HMGCLL1: variants seen among roughly 807,000 people sequenced by gnomAD.
HMGCLL1 encodes 3-hydroxy-3-methylglutaryl-CoA lyase like 1.
HMGCLL1 carries 36 observed loss-of-function variants against 39.1 expected under a neutral mutation model. The observed-to-expected ratio is 0.92, with a 90% CI of 0.71 to 1.22. HMGCLL1 has a LOEUF of 1.22. Among genes scored for constraint, HMGCLL1 ranks in the 50% most tolerant of loss-of-function variants. HMGCLL1 has a pLI of 0.00. For synonymous variants in HMGCLL1, 149 were observed against 144.0 expected (o/e 1.03, Z -0.25); for missense variants, 451 against 416.5 (o/e 1.08, Z -0.72).
chr6:55,599,375 G>T, the HMGCLL1 span, among the ~76,000 whole-genome samples: 3 of 152,122 alleles, frequency 2.0e-5, no homozygotes, highest in Non-Finnish European at 4.4e-5. Context: ...GCATTTTCCA[G>T]CTATATCTGC....
At chr6:55,528,284 T>A (rs4314500) in intron 3 of HMGCLL1, among the ~76,000 whole-genome samples, 98,401 of 151,794 alleles carry the variant, frequency 0.65, 32,190 homozygotes, top group Admixed American at 0.71. Flanking sequence ...CTTCAACACA[T>A]GCCATCGATT....
At chr6:55,595,054 A>T in the HMGCLL1 span, among the ~76,000 whole-genome samples, 1 of 152,182 alleles carries the variant, frequency 6.6e-6, no homozygotes, top group Admixed American at 6.5e-5. Context: ...TCTTGGAAAA[A>T]TAGAAACATA....
chr6:55,523,684 C>T (rs1382273584), intron 3 of HMGCLL1, among the ~76,000 whole-genome samples: 1 of 151,830 alleles, frequency 6.6e-6, no homozygotes, highest in Non-Finnish European at 1.5e-5. Context: ...CACAATTTTA[C>T]CTCATATTAC....
At chr6:55,598,458 C>A in the HMGCLL1 span, among the ~76,000 whole-genome samples, 6 of 152,108 alleles carry the variant, frequency 3.9e-5, no homozygotes. Context: ...ACTCCAATGA[C>A]CATGTTTCTG....
chr6:55,487,926 G>T (rs1413001628), intron 7 of HMGCLL1, among the ~76,000 whole-genome samples: 1 of 151,908 alleles, frequency 6.6e-6, no homozygotes, highest in Admixed American at 6.6e-5. Context: ...GTTTGTCTCT[G>T]CTCCTACTGG....
the HMGCLL1 span, among the ~76,000 whole-genome samples, chr6:55,620,871 G>T: frequency 6.6e-6 from 1 of 152,062 alleles, no homozygotes; most frequent in Non-Finnish European, 1.5e-5. Context: ...ACCATTTATT[G>T]ATGAAGCTGT....
the HMGCLL1 span, among the ~76,000 whole-genome samples, chr6:55,659,805 A>G: frequency 2.0e-5 from 3 of 151,856 alleles, no homozygotes; most frequent in African/African-American, 7.2e-5. Flanking sequence ...TTACACTATA[A>G]TATCCTCTAA....
Position 55,568,877 on chromosome 6 carries a change from A to G in HMGCLL1, c.108+10071T>C, listed in dbSNP as rs147597663. Among the ~76,000 whole-genome samples, 317 of 152,188 alleles carry G rather than the reference A, an allele frequency of 2.1e-3. 4 individuals carry two copies. The highest frequency in any genetic ancestry group is 7.4e-3 in the African/African-American group (306 of 41,526). ...GAAACACACACACACACACACACAA[A>G]CAGCTAAACTTGGAAGGGGATAGAC... On this transcript the variant is annotated intron_variant, in intron 1 of 8. Coordinates refer to ENST00000274901, the MANE Select transcript of HMGCLL1 (RefSeq NM_001042406.2).
the HMGCLL1 span, among the ~76,000 whole-genome samples, chr6:55,629,798 G>T: frequency 6.6e-6 from 1 of 152,134 alleles, no homozygotes; most frequent in South Asian, 2.1e-4. Flanking sequence ...CTCAAGCCTT[G>T]GCTGCTTCCA....
At chr6:55,556,325 C>A (rs1294920384) in intron 1 of HMGCLL1, among the ~76,000 whole-genome samples, 4 of 151,986 alleles carry the variant, frequency 2.6e-5, no homozygotes, top group Admixed American at 2.6e-4. Flanking sequence ...GTGTTTTGAG[C>A]AAAGAATAAA....
intron 3 of HMGCLL1, among the ~76,000 whole-genome samples, chr6:55,540,674 AAAGTC>A (rs2127456098): frequency 6.6e-6 from 1 of 152,308 alleles, no homozygotes; most frequent in Non-Finnish European, 1.5e-5. Context: ...AACTGGATAC[AAAGTC>A]AGCTCTTAAA....
the HMGCLL1 span, among the ~76,000 whole-genome samples, chr6:55,589,908 T>C: frequency 2.6e-5 from 4 of 151,792 alleles, no homozygotes; most frequent in African/African-American, 4.8e-5. Context: ...AAAGAGGATA[T>C]AAACAAATGG....
At chr6:55,665,530 C>A in the HMGCLL1 span, among the ~76,000 whole-genome samples, 1 of 151,628 alleles carries the variant, frequency 6.6e-6, no homozygotes, top group Non-Finnish European at 1.5e-5. Context: ...ACAAGTGGTA[C>A]TCCCTCTCTT....
At chr6:55,459,320 G>A (rs1312554247) in intron 7 of HMGCLL1, among the ~76,000 whole-genome samples, 1 of 151,952 alleles carries the variant, frequency 6.6e-6, no homozygotes, top group Non-Finnish European at 1.5e-5. Flanking sequence ...GTTAATTCAG[G>A]CCAACTAGGA....
At chr6:55,443,736 C>T (rs1157069002) in intron 7 of HMGCLL1, among the ~76,000 whole-genome samples, 2 of 151,212 alleles carry the variant, frequency 1.3e-5, no homozygotes, top group Non-Finnish European at 2.9e-5. Context: ...AACTGTAACA[C>T]TGTATTTTAT....
the HMGCLL1 span, among the ~76,000 whole-genome samples, chr6:55,635,324 C>T: frequency 6.9e-3 from 1,044 of 152,156 alleles, 11 homozygotes; most frequent in African/African-American, 0.024. Flanking sequence ...AAACATCCAT[C>T]GGGTCAAGCC....
chr6:55,643,386 T>C, the HMGCLL1 span, among the ~76,000 whole-genome samples: 1 of 152,004 alleles, frequency 6.6e-6, no homozygotes, highest in African/African-American at 2.4e-5. Context: ...GCTTTCTAGT[T>C]GTTTTCTAGT....
At chr6:55,604,941 A>G in the HMGCLL1 span, among the ~76,000 whole-genome samples, 4 of 152,204 alleles carry the variant, frequency 2.6e-5, no homozygotes, top group African/African-American at 9.6e-5. Flanking sequence ...GAAGTTAATT[A>G]GCTGAAGATG....
At chr6:55,590,216 T>C in the HMGCLL1 span, among the ~76,000 whole-genome samples, 4 of 151,638 alleles carry the variant, frequency 2.6e-5, no homozygotes, top group Admixed American at 6.6e-5. Context: ...TATAGACCAA[T>C]GGAACAGAAC....
Sources: allele counts gnomAD v4.1 joint callset (sites outside exome capture counted in the v4.1 genomes callset), GRCh38; gene constraint gnomAD v4.1.1; transcripts MANE v1.5; gene names NCBI Gene and HGNC (gene_info 2026-07-23, HGNC 2026-07-21).